The following ENOX2 variants were observed in gnomAD, a reference collection of about 807,000 sequenced individuals.
ENOX2 encodes APK1 antigen.
ENOX2 carries 36 observed loss-of-function variants against 45.0 expected under a neutral mutation model. That is an observed-to-expected ratio of 0.80 (90% CI 0.61 to 1.06). The LOEUF (loss-of-function observed/expected upper bound fraction) is 1.06, where lower values mean the gene tolerates loss of function less well. ENOX2 is among the 50% of genes least tolerant of loss of function. The pLI, the probability that ENOX2 is intolerant of heterozygous loss-of-function variation, is 0.00. For synonymous variants in ENOX2, 174 were observed against 152.3 expected (o/e 1.14, Z -1.05); for missense variants, 423 against 462.5 (o/e 0.91, Z 0.78).
intron 3 of ENOX2, among the ~76,000 whole-genome samples, chrX:130,721,637 A>G (rs575217851): frequency 9.0e-6 from 1 of 111,508 alleles, no homozygotes; most frequent in East Asian, 2.8e-4. Context: ...GGATGGCTTT[A>G]GAGAACTCTA....
chrX:130,835,274 G>C (rs1246009400), intron 2 of ENOX2, among the ~76,000 whole-genome samples: 1 of 111,585 alleles, frequency 9.0e-6, no homozygotes, highest in African/African-American at 3.3e-5. Flanking sequence ...CATTCACAGA[G>C]AGTTTACTAT....
At chrX:130,710,533 A>C (rs1298387826) in intron 3 of ENOX2, among the ~76,000 whole-genome samples, 1 of 111,464 alleles carries the variant, frequency 9.0e-6, no homozygotes, top group African/African-American at 3.3e-5. Context: ...AACATCCTAC[A>C]ATGTACAGGA....
intron 2 of ENOX2, among the ~76,000 whole-genome samples, chrX:130,853,836 T>A (rs2078261878): frequency 1.8e-5 from 2 of 111,338 alleles, no homozygotes; most frequent in Non-Finnish European, 3.8e-5. Flanking sequence ...AGTAATGAAG[T>A]TCCCCCACCC....
chrX:130,839,147 T>A (rs755802181), intron 2 of ENOX2, among the ~76,000 whole-genome samples: 2 of 112,025 alleles, frequency 1.8e-5, no homozygotes, highest in Non-Finnish European at 1.9e-5. Flanking sequence ...AGAGGTAGAG[T>A]TCATGCTTTG....
rs2035479295 is a variant in ENOX2, at chrX:130,623,919, A to G, written c.*1395T>C. The G allele has an allele frequency of 8.9e-6, 1 of 112,198 alleles. No individual in the cohort carries two copies. Among genetic ancestry groups the G allele is most frequent in the Non-Finnish European group, 1.9e-5 (1 of 53,275 alleles). The allele number at this position is 112,198 out of a possible 1,213,427, so 9.2% of individuals were successfully genotyped here. ...ACAAAACTGAGGTATAAAAAGGAATATTTATCTTTTAAAAATACAACTTTG... is the reference window on the plus strand; with the variant it reads ...ACAAAACTGAGGTATAAAAAGGAATGTTTATCTTTTAAAAATACAACTTTG... On this transcript the variant is annotated 3_prime_UTR_variant, in exon 15 of 15. Coordinates refer to ENST00000394363, the MANE Select transcript of ENOX2 (RefSeq NM_006375.4).
chrX:130,797,223 C>T (rs1177700223), intron 2 of ENOX2, among the ~76,000 whole-genome samples: 1 of 111,630 alleles, frequency 9.0e-6, no homozygotes, highest in Admixed American at 9.5e-5. Flanking sequence ...GCCAATTTCT[C>T]TGATTAAAAA....
chrX:130,894,509 G>A (rs768596355), intron 2 of ENOX2, among the ~76,000 whole-genome samples: 23 of 106,861 alleles, frequency 2.2e-4, no homozygotes, highest in Non-Finnish European at 4.2e-4. Context: ...TTCTCAAATG[G>A]TTATTTTAAT....
chrX:130,801,828 C>A (rs2077222197), intron 2 of ENOX2, among the ~76,000 whole-genome samples: 1 of 111,568 alleles, frequency 9.0e-6, no homozygotes. Context: ...ACACATCTCT[C>A]TACCCATTCA....
At chrX:130,737,825 C>A (rs927555366) in intron 3 of ENOX2, among the ~76,000 whole-genome samples, 1 of 111,241 alleles carries the variant, frequency 9.0e-6, no homozygotes, top group Non-Finnish European at 1.9e-5. Context: ...CTAAGGGGGA[C>A]AAAAGAAAGG....
In ENOX2 at chrX:130,622,534, TA is replaced by T. The variant is rs760460898; in HGVS notation, c.*2779del. Among the ~76,000 whole-genome samples the T allele has an allele frequency of 1.8e-5, 2 of 111,330 alleles. No individual in the cohort carries two copies. The highest frequency in any genetic ancestry group is 9.5e-5 in the Admixed American group (1 of 10,505). ...GATGTCACAGGACTAGGGAAGGAGA[TA>T]AAAAAATCATTTGTAAAACAAAAGA... On this transcript the variant is annotated 3_prime_UTR_variant, in exon 15 of 15. Coordinates refer to ENST00000394363, the MANE Select transcript of ENOX2 (RefSeq NM_006375.4).
chrX:130,653,202 T>A (rs2036451927), intron 10 of ENOX2, among the ~76,000 whole-genome samples: 1 of 112,114 alleles, frequency 8.9e-6, no homozygotes, highest in African/African-American at 3.2e-5. Context: ...TTCTACCATT[T>A]TTGTCTCAGT....
intron 3 of ENOX2, among the ~76,000 whole-genome samples, chrX:130,743,189 TG>T (rs1476028656): frequency 9.0e-6 from 1 of 111,488 alleles, no homozygotes; most frequent in Non-Finnish European, 1.9e-5. Flanking sequence ...AAGAATAGAA[TG>T]GGGGAAATAT....
chrX:130,721,209 T>C (rs986116175), intron 3 of ENOX2, among the ~76,000 whole-genome samples: 4 of 111,731 alleles, frequency 3.6e-5, no homozygotes, highest in Non-Finnish European at 7.5e-5. Context: ...CATGTCCCTA[T>C]ATACATCTAA....
rs371552409 is a variant in ENOX2 at position 130,887,655 on chromosome X, G to A, written c.-183+14029C>T. Among the ~76,000 whole-genome samples the A allele has an allele frequency of 2.8e-4, 31 of 111,761 alleles. 1 individual carries two copies. In the South Asian group the frequency reaches 0.012, roughly 42 times the overall value. On this transcript the variant is annotated intron_variant, in intron 2 of 14. Coordinates refer to ENST00000394363, the MANE Select transcript of ENOX2 (RefSeq NM_006375.4). ...AGGCTGAATTGGGAGTGGAGGGGGTGGGGTGGAGGAGGTTGGAGAGCAGGT... is the reference window on the plus strand; with the variant it reads ...AGGCTGAATTGGGAGTGGAGGGGGTAGGGTGGAGGAGGTTGGAGAGCAGGT...
chrX:130,877,861 C>A, intron 2 of ENOX2, among the ~76,000 whole-genome samples: 1 of 112,183 alleles, frequency 8.9e-6, no homozygotes, highest in Non-Finnish European at 1.9e-5. Flanking sequence ...GCTTCAAATA[C>A]TTCCCTCACT....
chrX:130,900,333 G>A (rs1160477604), intron 2 of ENOX2, among the ~76,000 whole-genome samples: 1 of 112,498 alleles, frequency 8.9e-6, no homozygotes, highest in Non-Finnish European at 1.9e-5. Flanking sequence ...TCAGTTTTAT[G>A]TTTTTTAAGA....
At chrX:130,733,336 A>C (rs888352495) in intron 3 of ENOX2, among the ~76,000 whole-genome samples, 2 of 109,477 alleles carry the variant, frequency 1.8e-5, no homozygotes, top group African/African-American at 6.6e-5. Context: ...ATCAATATAT[A>C]CCTGTTAGAA....
In ENOX2 at chrX:130,625,440, G is replaced by A. The variant is rs1162601937; in HGVS notation, c.1620C>T (p.Cys540=). 3 of 1,204,220 alleles carry A rather than the reference G, an allele frequency of 2.5e-6. No individual in the cohort carries two copies. Among genetic ancestry groups the A allele is most frequent in the Non-Finnish European group, 3.4e-6 (3 of 892,727 alleles). The change falls in exon 15 of 15, where the codon TGC becomes TGT. Residue 540 remains cysteine, a synonymous_variant. Transcript: ENST00000394363. ...CCATGAGACACTCCACATCGCTGGT[G>A]CAGATCTGTGGGACAGAGAGAACAT... is the stretch of plus-strand genomic sequence containing the variant. The part of the protein sequence containing the change: ...SYLHRLDNKI[C]TSDVECLMGR...
At chrX:130,724,815 G>A (rs1234638115) in intron 3 of ENOX2, among the ~76,000 whole-genome samples, 2 of 112,044 alleles carry the variant, frequency 1.8e-5, no homozygotes, top group African/African-American at 6.5e-5. Flanking sequence ...GGAAGTCTAG[G>A]TGATACTAGA....
Sources: gnomAD v4.1 joint callset for allele counts (sites outside exome capture counted in the v4.1 genomes callset) on GRCh38, gnomAD v4.1.1 for gene constraint, MANE v1.5 for transcripts, NCBI Gene and HGNC (gene_info 2026-07-23, HGNC 2026-07-21) for gene names.